Variants in KCNJ1 observed in about 807,000 individuals in gnomAD.
The protein encoded by KCNJ1 is ATP-sensitive inward rectifier potassium channel 1.
KCNJ1 carries 24 observed loss-of-function variants against 21.9 expected under a neutral mutation model. The observed-to-expected ratio is 1.10, with a 90% CI of 0.79 to 1.54. The LOEUF (loss-of-function observed/expected upper bound fraction) is 1.54, where lower values mean the gene tolerates loss of function less well. KCNJ1 is among the 40% of genes most tolerant of loss of function. The probability of loss-of-function intolerance (pLI) is 0.00; values close to 1 mark genes in which losing one functional copy is unlikely to be tolerated. For missense variants in KCNJ1, 457 were observed against 455.4 expected (o/e 1.00, Z -0.03); for synonymous variants, 152 against 160.9 (o/e 0.94, Z 0.42).
At chr11:128,842,534 T>G (rs1245963077) in intron 2 of KCNJ1, 1 of 1,571,398 alleles carries the variant, frequency 6.4e-7, no homozygotes, top group East Asian at 2.3e-5. Context: ...CTAATTTGTG[T>G]AAACTTGGAA....
intron 1 of KCNJ1, 117 bp downstream of exon 1, chr11:128,867,056 C>G: frequency 6.6e-6 from 1 of 152,150 alleles, no homozygotes; most frequent in East Asian, 1.9e-4. Flanking sequence ...TCTATCTATC[C>G]CCCAGGAGTG....
At chr11:128,862,502 C>G (rs545364490) in intron 1 of KCNJ1, among the ~76,000 whole-genome samples, 1 of 152,338 alleles carries the variant, frequency 6.6e-6, no homozygotes, top group South Asian at 2.1e-4. Flanking sequence ...ACCGCCCCCT[C>G]CATCCCCCCC....
chr11:128,864,774 C>T (rs2186832), intron 1 of KCNJ1, among the ~76,000 whole-genome samples: 3 of 151,876 alleles, frequency 2.0e-5, no homozygotes, highest in Admixed American at 2.0e-4. Context: ...CCACTTCATC[C>T]TCGCCTGTCC....
rs542192638 is a variant in KCNJ1, at chr11:128,842,310, C to T, written c.-21-2046G>A. 16 of 1,527,880 alleles carry T rather than the reference C, an allele frequency of 1.0e-5. No individual in the cohort carries two copies. In the East Asian group the frequency reaches 3.4e-4, roughly 32 times the overall value. 94.6% of individuals were successfully genotyped at this position (1,527,880 alleles called of 1,614,324 possible). ...GATCACTTGAATAACGTTGAGTTTC[C>T]ATGACTGCATTAATGATGAAACATT... On this transcript the variant is annotated intron_variant, in intron 2 of 2. Transcript: ENST00000392666.
intron 2 of KCNJ1, chr11:128,842,668 T>A (rs1943304535): frequency 3.0e-6 from 2 of 661,308 alleles, no homozygotes; most frequent in Non-Finnish European, 4.8e-6. Flanking sequence ...ACCAACATGC[T>A]AAGACATGAC....
intron 2 of KCNJ1, among the ~76,000 whole-genome samples, chr11:128,841,348 A>G (rs1943278809): frequency 6.6e-6 from 1 of 152,250 alleles, no homozygotes; most frequent in Non-Finnish European, 1.5e-5. Flanking sequence ...CGTAAATGAA[A>G]TAATTCAGTG....
rs770283960 is a variant in KCNJ1 at position 128,840,103 on chromosome 11, C to G, written c.141G>C (p.Val47=). Residue 47 remains valine (V), a synonymous_variant, in exon 3 of 3, where the codon GTG becomes GTC. Transcript: ENST00000392666. The part of the protein sequence containing the change: ...VEAQSRFIFF[V]DIWTTVLDLK... The stretch of plus-strand genomic sequence containing the variant: ...GGTCAAGTACCGTTGTCCAGATGTC[C>G]ACAAAGAATATAAACCTTGACTGTG... The G allele has an allele frequency of 1.2e-6, 2 of 1,614,136 alleles. No homozygotes were observed. The highest frequency in any genetic ancestry group is 1.7e-6 in the Non-Finnish European group (2 of 1,180,026).
chr11:128,843,165 C>G (rs140931584), intron 2 of KCNJ1, among the ~76,000 whole-genome samples: 9 of 152,198 alleles, frequency 5.9e-5, no homozygotes, highest in African/African-American at 2.2e-4. Flanking sequence ...AATTCATCCA[C>G]TAACCAAAAC....
At position 128,839,397 on chromosome 11, in the gene KCNJ1, C is replaced by T; in HGVS notation, c.847G>A (p.Glu283Lys). The change falls in exon 3 of 3, where the codon GAG becomes AAG. Residue 283 changes from glutamate (E) to lysine (K), a missense_variant. Glu to Lys is a moderately conservative substitution (Grantham distance 56, BLOSUM62 1). Transcript: ENST00000392666. Reference sequence around the variant, plus strand: ...ACTTGGCAGGTAGCACTGGTGGACTCCACTGTGCCATCTAAAAACACCACT... The same window carrying T: ...ACTTGGCAGGTAGCACTGGTGGACTTCACTGTGCCATCTAAAAACACCACT... ...ELVVFLDGTV[E>K]STSATCQVRT... 6.2e-7 allele frequency: 1 copy of T among 1,614,178 alleles called. No individual in the cohort carries two copies. The highest frequency in any genetic ancestry group is 8.5e-7 in the Non-Finnish European group (1 of 1,180,034).
chr11:128,848,562 T>A (rs931349857), intron 2 of KCNJ1, among the ~76,000 whole-genome samples: 1 of 152,158 alleles, frequency 6.6e-6, no homozygotes, highest in Admixed American at 6.5e-5. Context: ...AATGCTAGCA[T>A]GTCTCAGCTG....
intron 1 of KCNJ1, among the ~76,000 whole-genome samples, chr11:128,864,421 C>T (rs966261425): frequency 1.3e-5 from 2 of 152,086 alleles, no homozygotes; most frequent in African/African-American, 4.8e-5. Flanking sequence ...TATGTCTCTA[C>T]ACTAATTTTT....
intron 1 of KCNJ1, among the ~76,000 whole-genome samples, chr11:128,858,652 C>T (rs1943637420): frequency 6.6e-6 from 1 of 152,220 alleles, no homozygotes. Flanking sequence ...ACAGATCTCA[C>T]TGTGTTCCAG....
In KCNJ1 at chr11:128,838,528, G is replaced by T. The variant is rs117189807; in HGVS notation, c.*597C>A. 1.9e-5 allele frequency: 3 copies of T among 153,954 alleles called. No individual in the cohort carries two copies. Among genetic ancestry groups the T allele is most frequent in the African/African-American group, 7.2e-5 (3 of 41,456 alleles). The allele number at this position is 153,954 out of a possible 1,614,324, so 9.5% of individuals were successfully genotyped here. ...CTAAAGCATTCTGTCTTGCAGGAAGGTATCATCAAGATTCTAGTGTGCAGA... is the reference window on the plus strand; with the variant it reads ...CTAAAGCATTCTGTCTTGCAGGAAGTTATCATCAAGATTCTAGTGTGCAGA... On this transcript the variant is annotated 3_prime_UTR_variant, in exon 3 of 3. Coordinates refer to ENST00000392666, the MANE Select transcript of KCNJ1 (RefSeq NM_153766.3).
At chr11:128,843,231 G>A (rs528951956) in intron 2 of KCNJ1, among the ~76,000 whole-genome samples, 2 of 152,226 alleles carry the variant, frequency 1.3e-5, no homozygotes, top group East Asian at 1.9e-4. Context: ...TTAGATAATG[G>A]CATTTAATCT....
In KCNJ1 at chr11:128,850,701, T is replaced by C. The variant is rs535997837; in HGVS notation, c.-22+20A>G. 24 of 980,102 alleles carry C rather than the reference T, an allele frequency of 2.4e-5. No homozygotes were observed. In the South Asian group the frequency reaches 2.8e-4, roughly 12 times the overall value. The allele number at this position is 980,102 out of a possible 1,614,324, so 60.7% of individuals were successfully genotyped here. On this transcript the variant is annotated intron_variant, in intron 2 of 2. Coordinates refer to ENST00000392666, the MANE Select transcript of KCNJ1 (RefSeq NM_153766.3). ...GCCTGGGGTGTCCAATAGTTGCTTATTGAAAATCAAGCCACTCACCTCTGT... is the reference window on the plus strand; with the variant it reads ...GCCTGGGGTGTCCAATAGTTGCTTACTGAAAATCAAGCCACTCACCTCTGT...
At chr11:128,864,923 T>C (rs113641687) in intron 1 of KCNJ1, among the ~76,000 whole-genome samples, 2 of 152,154 alleles carry the variant, frequency 1.3e-5, no homozygotes, top group Admixed American at 6.5e-5. Context: ...TCTTCCACAA[T>C]GTAAATAAGA....
chr11:128,856,411 T>C (rs1274783168), intron 1 of KCNJ1, among the ~76,000 whole-genome samples: 1 of 152,174 alleles, frequency 6.6e-6, no homozygotes, highest in South Asian at 2.1e-4. Flanking sequence ...GGGTTGCAGG[T>C]ACCATGGCCA....
intron 1 of KCNJ1, among the ~76,000 whole-genome samples, chr11:128,865,521 G>C (rs547728644): frequency 6.6e-6 from 1 of 152,160 alleles, no homozygotes; most frequent in Non-Finnish European, 1.5e-5. Flanking sequence ...AGAATGAAGA[G>C]AAGAAAGACA....
At chr11:128,858,186 G>A (rs1943625217) in intron 1 of KCNJ1, among the ~76,000 whole-genome samples, 1 of 151,480 alleles carries the variant, frequency 6.6e-6, no homozygotes, top group South Asian at 2.1e-4. Flanking sequence ...GAGGGATGGG[G>A]AGGGATGAGA....
Sources: gnomAD v4.1 joint callset for allele counts (sites outside exome capture counted in the v4.1 genomes callset) on GRCh38, gnomAD v4.1.1 for gene constraint, MANE v1.5 for transcripts, NCBI Gene and HGNC (gene_info 2026-07-23, HGNC 2026-07-21) for gene names.